TMPRSS4: variants seen among roughly 807,000 people sequenced by gnomAD.
TMPRSS4 encodes the protein transmembrane serine protease 4.
In TMPRSS4, 45 loss-of-function variants were observed where a neutral mutation model predicts 56.4. That is an observed-to-expected ratio of 0.80 (90% CI 0.63 to 1.02). The LOEUF (loss-of-function observed/expected upper bound fraction) is 1.02, where lower values mean the gene tolerates loss of function less well. Ranked by LOEUF, TMPRSS4 falls within the 50% of genes least tolerant of loss-of-function variation. The pLI is 0.00. For synonymous variants in TMPRSS4, 205 were observed against 211.0 expected (o/e 0.97, Z 0.25); for missense variants, 546 against 556.7 (o/e 0.98, Z 0.19).
intron 1 of TMPRSS4, among the ~76,000 whole-genome samples, chr11:118,080,711 G>T (rs1285786333): frequency 6.6e-6 from 1 of 152,176 alleles, no homozygotes; most frequent in Admixed American, 6.5e-5. Context: ...AGGGAGAGAT[G>T]AGAAAAACAG....
intron 11 of TMPRSS4, among the ~76,000 whole-genome samples, chr11:118,115,940 C>G (rs2135463141): frequency 6.6e-6 from 1 of 152,252 alleles, no homozygotes; most frequent in South Asian, 2.1e-4. Context: ...CTCTGTGACT[C>G]TCCCCAAGCT....
chr11:118,111,674 G>A (rs747133373), intron 7 of TMPRSS4, 67 bp from the exon 8 acceptor site: 16 of 1,390,860 alleles, frequency 1.2e-5, no homozygotes, highest in Non-Finnish European at 1.4e-5. Flanking sequence ...TTTGGGTGCT[G>A]AGTGGAGGCA....
intron 1 of TMPRSS4, among the ~76,000 whole-genome samples, chr11:118,092,255 T>C (rs1946024677): frequency 6.6e-6 from 1 of 152,032 alleles, no homozygotes; most frequent in South Asian, 2.1e-4. Context: ...GGAATTGAAA[T>C]AGAGAAAGAG....
Position 118,083,388 on chromosome 11 carries a change from C to T in TMPRSS4, c.3+6083C>T, listed in dbSNP as rs1413099879. Among the ~76,000 whole-genome samples, 5 of 152,158 alleles carry T rather than the reference C, an allele frequency of 3.3e-5. No individual in the cohort carries two copies. In the South Asian group the frequency reaches 8.3e-4, roughly 25 times the overall value. On this transcript the variant is annotated intron_variant, in intron 1 of 12. Coordinates refer to ENST00000437212, the MANE Select transcript of TMPRSS4 (RefSeq NM_019894.4). Reference sequence around the variant, plus strand: ...CACACAGGTCACACGACATCACCTCCGGTCCCAACTGCCCTGGTCACTGTC... The same window carrying T: ...CACACAGGTCACACGACATCACCTCTGGTCCCAACTGCCCTGGTCACTGTC...
downstream of TMPRSS4, among the ~76,000 whole-genome samples, chr11:118,122,461 A>G (rs1694122451): frequency 6.6e-6 from 1 of 152,258 alleles, no homozygotes; most frequent in Non-Finnish European, 1.5e-5. Flanking sequence ...CATAATCACG[A>G]AAGTTTCAAT....
chr11:118,087,852 G>A (rs527940537), intron 1 of TMPRSS4, among the ~76,000 whole-genome samples: 9 of 152,332 alleles, frequency 5.9e-5, no homozygotes, highest in African/African-American at 1.9e-4. Context: ...AGAAAGGGAA[G>A]AACAAATGCT....
At chr11:118,102,019 T>C (rs750281398) in intron 3 of TMPRSS4, among the ~76,000 whole-genome samples, 1 of 152,194 alleles carries the variant, frequency 6.6e-6, no homozygotes, top group Non-Finnish European at 1.5e-5. Context: ...TTATTCCAAG[T>C]TCTGGGGTAC....
In TMPRSS4 at chr11:118,118,020, C is replaced by T. The variant is rs1209859058; in HGVS notation, c.*107C>T. The T allele has an allele frequency of 1.3e-6, 2 of 1,595,284 alleles. No homozygotes were observed. The highest frequency in any genetic ancestry group is 2.2e-5 in the East Asian group (1 of 44,700). On this transcript the variant is annotated 3_prime_UTR_variant, in exon 13 of 13. Transcript: ENST00000437212. ...CAAGAGTCCCCTTGGGTACACCCCT[C>T]TGCCCACAGCCTCAGCATTTCTTGG...
intron 1 of TMPRSS4, among the ~76,000 whole-genome samples, chr11:118,082,336 G>A (rs2051479): frequency 0.62 from 94,710 of 151,954 alleles, 30,066 homozygotes; most frequent in South Asian, 0.73. Flanking sequence ...CTAGGTGGGC[G>A]GATCACCTGA....
intron 3 of TMPRSS4, among the ~76,000 whole-genome samples, chr11:118,100,614 T>C (rs1946684732): frequency 6.6e-6 from 1 of 152,212 alleles, no homozygotes; most frequent in Admixed American, 6.5e-5. Flanking sequence ...GAGATGCAGA[T>C]GACCCCAAAC....
intron 7 of TMPRSS4, among the ~76,000 whole-genome samples, chr11:118,111,431 C>T (rs1947271142): frequency 6.6e-6 from 1 of 152,074 alleles, no homozygotes; most frequent in Admixed American, 6.6e-5. Flanking sequence ...TTCTGCATCA[C>T]TTGTGAAGGT....
At chr11:118,117,828 C>T (rs1947641717) in intron 12 of TMPRSS4, 74 bp from the exon 13 acceptor site, 2 of 1,613,680 alleles carry the variant, frequency 1.2e-6, no homozygotes, top group African/African-American at 1.3e-5. Flanking sequence ...AAGGAAGACT[C>T]ACGTTACACA....
At chr11:118,097,540 G>A (rs1946476164) in intron 2 of TMPRSS4, among the ~76,000 whole-genome samples, 6 of 152,118 alleles carry the variant, frequency 3.9e-5, no homozygotes. Flanking sequence ...CACCTCCCCA[G>A]CTTATTTCCC....
intron 9 of TMPRSS4, among the ~76,000 whole-genome samples, 189 bp downstream of exon 9, chr11:118,113,624 T>C (rs1233278801): frequency 1.3e-5 from 2 of 152,142 alleles, no homozygotes; most frequent in Admixed American, 6.5e-5. Flanking sequence ...AGCTAACACC[T>C]CCACTCCATT....
At chr11:118,101,926 C>A (rs1285189785) in intron 3 of TMPRSS4, among the ~76,000 whole-genome samples, 9 of 152,166 alleles carry the variant, frequency 5.9e-5, no homozygotes, top group Non-Finnish European at 1.2e-4. Context: ...AACCGAGGAC[C>A]AACCCCTTCA....
intron 1 of TMPRSS4, among the ~76,000 whole-genome samples, chr11:118,088,452 A>G (rs530250491): frequency 6.6e-6 from 1 of 152,304 alleles, no homozygotes; most frequent in South Asian, 2.1e-4. Flanking sequence ...TGATCAGGCA[A>G]TGGCAGGTTT....
intron 1 of TMPRSS4, among the ~76,000 whole-genome samples, chr11:118,082,071 T>C (rs1031528388): frequency 1.3e-5 from 2 of 152,192 alleles, no homozygotes; most frequent in Non-Finnish European, 2.9e-5. Context: ...GCCAGGCTGC[T>C]GGGAGAACCT....
At chr11:118,088,507 C>A (rs374061748) in intron 1 of TMPRSS4, among the ~76,000 whole-genome samples, 2 of 152,240 alleles carry the variant, frequency 1.3e-5, no homozygotes, top group African/African-American at 4.8e-5. Flanking sequence ...CCACCTCACC[C>A]GCTACCTGGG....
intron 3 of TMPRSS4, among the ~76,000 whole-genome samples, chr11:118,101,117 G>C (rs1468838928): frequency 6.6e-6 from 1 of 152,142 alleles, no homozygotes; most frequent in Non-Finnish European, 1.5e-5. Flanking sequence ...CACATCTCAA[G>C]CTTCCCCAGA....
Sources: allele counts gnomAD v4.1 joint callset (sites outside exome capture counted in the v4.1 genomes callset), GRCh38; gene constraint gnomAD v4.1.1; transcripts MANE v1.5; gene names NCBI Gene and HGNC (gene_info 2026-07-23, HGNC 2026-07-21).